Variants in KCNU1 observed in about 807,000 individuals in gnomAD.
KCNU1 encodes the protein potassium calcium-activated channel subfamily U member 1, also known as potassium channel subfamily U member 1.
KCNU1 carries 93 observed loss-of-function variants against 126.8 expected under a neutral mutation model. The observed-to-expected ratio is 0.73, with a 90% CI of 0.62 to 0.87. The LOEUF is 0.87. Ranked by LOEUF, KCNU1 falls within the 40% of genes least tolerant of loss-of-function variation. KCNU1 has a pLI of 0.00. For synonymous variants in KCNU1, 523 were observed against 494.2 expected (o/e 1.06, Z -0.77); for missense variants, 1,330 against 1,367.1 (o/e 0.97, Z 0.43).
intron 20 of KCNU1, among the ~76,000 whole-genome samples, chr8:36,906,765 T>G (rs1381612608): frequency 1.3e-5 from 2 of 152,286 alleles, no homozygotes; most frequent in East Asian, 3.9e-4. Flanking sequence ...GCATGATCCA[T>G]CATTTGATCA....
chr8:36,932,375 G>A (rs1808727919), intron 25 of KCNU1, among the ~76,000 whole-genome samples: 1 of 152,048 alleles, frequency 6.6e-6, no homozygotes, highest in Non-Finnish European at 1.5e-5. Flanking sequence ...TTTATCCTGA[G>A]GAATTACAGA....
intron 7 of KCNU1, among the ~76,000 whole-genome samples, chr8:36,813,308 A>T (rs1299305184): frequency 6.6e-6 from 1 of 152,128 alleles, no homozygotes; most frequent in Non-Finnish European, 1.5e-5. Flanking sequence ...TTTCCATCCT[A>T]GTTCTTAAAA....
At chr8:36,909,032 G>T (rs563183230) in intron 20 of KCNU1, among the ~76,000 whole-genome samples, 9 of 152,144 alleles carry the variant, frequency 5.9e-5, no homozygotes, top group Non-Finnish European at 1.2e-4. Flanking sequence ...ACACCCTGAG[G>T]AATGATGCTA....
At chr8:36,850,174 A>G (rs1805290982) in intron 18 of KCNU1, among the ~76,000 whole-genome samples, 1 of 152,128 alleles carries the variant, frequency 6.6e-6, no homozygotes, top group Non-Finnish European at 1.5e-5. Context: ...TCTACTATTG[A>G]GTTGTATAAG....
intron 10 of KCNU1, among the ~76,000 whole-genome samples, chr8:36,818,705 A>G (rs1159021377): frequency 6.6e-6 from 1 of 152,154 alleles, no homozygotes; most frequent in East Asian, 1.9e-4. Flanking sequence ...CTTACGTAGG[A>G]TTGTATGTAG....
Position 36,806,516 on chromosome 8 carries a change from T to C in KCNU1, c.580+136T>C. On this transcript the variant is annotated intron_variant, in intron 5 of 26. Transcript: ENST00000399881. ...AAAACCTCTCACCTTAATAGTATGG[T>C]TTTGTCATACACTTGCAGAAACCTT... 5.1e-6 allele frequency: 3 copies of C among 590,086 alleles called. No homozygotes were observed. The South Asian group carries it at 6.7e-5, about 13-fold the overall frequency. The allele number at this position is 590,086 out of a possible 1,614,324, so 36.6% of individuals were successfully genotyped here.
intron 19 of KCNU1, among the ~76,000 whole-genome samples, chr8:36,890,100 A>C (rs1806898817): frequency 6.6e-6 from 1 of 152,092 alleles, no homozygotes; most frequent in South Asian, 2.1e-4. Context: ...GACTTCCTCA[A>C]ACAAAAACTG....
intron 19 of KCNU1, chr8:36,888,645 G>A (rs78605166): frequency 0.019 from 9,941 of 534,318 alleles, 124 homozygotes; most frequent in Non-Finnish European, 0.028. Context: ...TCCTCTGAAA[G>A]TACTGAGGAT....
chr8:36,890,858 T>C (rs1469636418), intron 19 of KCNU1, among the ~76,000 whole-genome samples: 2 of 151,912 alleles, frequency 1.3e-5, no homozygotes, highest in Non-Finnish European at 2.9e-5. Flanking sequence ...TTGTGTTTAT[T>C]ATTAGTATAG....
At chr8:36,793,430 T>G (rs1261094412) in intron 2 of KCNU1, among the ~76,000 whole-genome samples, 2 of 151,770 alleles carry the variant, frequency 1.3e-5, no homozygotes, top group Non-Finnish European at 2.9e-5. Flanking sequence ...TTATAAAATT[T>G]TACTTTTCAT....
chr8:36,803,560 A>G (rs981971518), intron 2 of KCNU1, among the ~76,000 whole-genome samples: 17 of 152,074 alleles, frequency 1.1e-4, no homozygotes, highest in African/African-American at 4.1e-4. Context: ...TAGGGAACAC[A>G]TGTCTGGAAT....
intron 19 of KCNU1, among the ~76,000 whole-genome samples, chr8:36,903,221 A>G (rs926885811): frequency 7.2e-5 from 11 of 152,108 alleles, no homozygotes; most frequent in Admixed American, 5.9e-4. Flanking sequence ...AAAAAATAAG[A>G]TGTAAGTTAT....
chr8:36,876,542 G>C (rs2117381770), intron 19 of KCNU1, among the ~76,000 whole-genome samples: 1 of 152,214 alleles, frequency 6.6e-6, no homozygotes, highest in South Asian at 2.1e-4. Context: ...CTAGAACCAT[G>C]TTCTTTCTTG....
chr8:36,862,945 G>A (rs1163210161), intron 18 of KCNU1, among the ~76,000 whole-genome samples: 1 of 152,112 alleles, frequency 6.6e-6, no homozygotes, highest in Non-Finnish European at 1.5e-5. Context: ...TACTTCGGGT[G>A]TTCCCTTCCC....
chr8:36,921,130 C>CCAAAA (rs578195400), intron 23 of KCNU1, among the ~76,000 whole-genome samples: 4 of 152,070 alleles, frequency 2.6e-5, no homozygotes, highest in African/African-American at 7.2e-5. Context: ...GGATCAGAGA[C>CCAAAA]CAAAACAAAA....
intron 19 of KCNU1, among the ~76,000 whole-genome samples, chr8:36,886,174 C>G (rs1806694416): frequency 6.6e-6 from 1 of 152,118 alleles, no homozygotes; most frequent in Admixed American, 6.5e-5. Context: ...ACAAAGTAGA[C>G]AAAAGCAATG....
rs751673417 is a variant in KCNU1 at position 36,888,764 on chromosome 8, A to C, written c.2010-16944A>C. The C allele has an allele frequency of 9.4e-6, 5 of 533,600 alleles. No homozygotes were observed. In the Admixed American group the frequency reaches 9.7e-5, roughly 10 times the overall value. 33.1% of individuals were successfully genotyped at this position (533,600 alleles called of 1,614,324 possible). A position where few individuals can be genotyped will look rare whatever the true frequency, so the allele number is the denominator to read the frequency against. On this transcript the variant is annotated intron_variant, in intron 19 of 26. Coordinates refer to ENST00000399881, the MANE Select transcript of KCNU1 (RefSeq NM_001031836.3). ...CTACAAGAAGTATATCAAAGATTAC[A>C]TGAAATCAATCAACGAAAAACTTGA...
intron 19 of KCNU1, among the ~76,000 whole-genome samples, chr8:36,891,014 A>C (rs747014700): frequency 6.6e-6 from 1 of 151,806 alleles, no homozygotes; most frequent in Admixed American, 6.6e-5. Context: ...CTGTATTTTT[A>C]TTAGTGTAAT....
At chr8:36,805,375 C>T in intron 4 of KCNU1, 90 bp downstream of exon 4, 1 of 791,700 alleles carries the variant, frequency 1.3e-6, no homozygotes. Flanking sequence ...TACAATCTGC[C>T]CGAGTTTTCA....
Sources: gnomAD v4.1 joint callset for allele counts (sites outside exome capture counted in the v4.1 genomes callset) on GRCh38, gnomAD v4.1.1 for gene constraint, MANE v1.5 for transcripts, NCBI Gene and HGNC (gene_info 2026-07-23, HGNC 2026-07-21) for gene names.